The following CPLANE1 variants were observed in gnomAD, a reference collection of about 807,000 sequenced individuals.
CPLANE1 encodes the protein ciliogenesis and planar polarity effector 1.
Under a neutral mutation model 362.5 loss-of-function variants are expected in CPLANE1, and 263 were observed. The ratio of observed to expected loss-of-function variants is 0.73; its 90% confidence interval spans 0.66 to 0.80. The LOEUF is 0.80. CPLANE1 is among the 30% of genes least tolerant of loss of function. The pLI, the probability that CPLANE1 is intolerant of heterozygous loss-of-function variation, is 0.00. For synonymous variants in CPLANE1, 1,212 were observed against 1,302.6 expected (o/e 0.93, Z 1.50); for missense variants, 3,461 against 3,793.4 (o/e 0.91, Z 2.30).
At chr5:37,187,084 A>C (rs1052694517) in intron 23 of CPLANE1, among the ~76,000 whole-genome samples, 1 of 145,958 alleles carries the variant, frequency 6.9e-6, no homozygotes, top group Non-Finnish European at 1.5e-5. Flanking sequence ...AAAAAAAAAA[A>C]AAACTATAGT....
At chr5:37,143,205 TC>T (rs1176150592) in intron 43 of CPLANE1, among the ~76,000 whole-genome samples, 8 of 152,184 alleles carry the variant, frequency 5.3e-5, no homozygotes, top group Non-Finnish European at 1.2e-4. Context: ...GCAAAACTAC[TC>T]CAAAGACAAA....
chr5:37,182,782 T>A lies in CPLANE1; in HGVS notation c.5399A>T (p.Lys1800Met). ...LLEQPYFATY[K>M]AKNAIIKMVE... ...TACCTTAATAATGGCATTTTTTGCCTTATATGTAGCAAAATAGGGTTGTTC... is the reference window on the plus strand; with the variant it reads ...TACCTTAATAATGGCATTTTTTGCCATATATGTAGCAAAATAGGGTTGTTC... The change falls in exon 26 of 53, where the codon AAG becomes ATG. Residue 1800 changes from lysine (K) to methionine (M), a missense_variant. By Grantham distance (95) the Lys-to-Met change is moderately conservative (BLOSUM62 -1). Transcript: ENST00000651892. 6.2e-7 allele frequency: 1 copy of A among 1,611,354 alleles called. No homozygotes were observed. Among genetic ancestry groups the A allele is most frequent in the Non-Finnish European group, 8.5e-7 (1 of 1,178,892 alleles).
At chr5:37,182,048 C>T (rs189493281) in intron 26 of CPLANE1, among the ~76,000 whole-genome samples, 2 of 149,666 alleles carry the variant, frequency 1.3e-5, no homozygotes, top group African/African-American at 2.5e-5. Flanking sequence ...GTTGAGATCA[C>T]GCCACTGCAC....
At chr5:37,235,852 G>A (rs1352745461) in intron 8 of CPLANE1, among the ~76,000 whole-genome samples, 1 of 146,872 alleles carries the variant, frequency 6.8e-6, no homozygotes, top group African/African-American at 2.5e-5. Flanking sequence ...TTACAGGCAT[G>A]AGCCACTGTG....
At position 37,177,605 on chromosome 5, in the gene CPLANE1, C is replaced by CT. The variant is rs754052227; in HGVS notation, c.5900+15dup. 1.3e-6 allele frequency: 2 copies of CT among 1,599,620 alleles called. No homozygotes were observed. The highest frequency in any genetic ancestry group is 2.2e-5 in the South Asian group (2 of 90,192). On this transcript the variant is annotated intron_variant, in intron 30 of 52. Coordinates refer to ENST00000651892, the MANE Select transcript of CPLANE1 (RefSeq NM_001384732.1). The stretch of plus-strand genomic sequence containing the variant: ...GTAACCAGTGACAATCACTGTCATA[C>CT]TTTTTTCCCCCTTACCCTTTTTGTT...
At chr5:37,159,266 C>T (rs538877997) in intron 38 of CPLANE1, among the ~76,000 whole-genome samples, 3,142 of 149,644 alleles carry the variant, frequency 0.021, 105 homozygotes, top group African/African-American at 0.074. Flanking sequence ...CGCCCGCCAC[C>T]GCGCCCGGCT....
chr5:37,111,627 A>C (rs1391476453), intron 51 of CPLANE1, among the ~76,000 whole-genome samples: 1 of 152,214 alleles, frequency 6.6e-6, no homozygotes, highest in East Asian at 1.9e-4. Context: ...ACTAGCCCCA[A>C]GAGTCTGAAA....
At chr5:37,186,851 A>T (rs931964105) in intron 23 of CPLANE1, among the ~76,000 whole-genome samples, 2 of 152,064 alleles carry the variant, frequency 1.3e-5, no homozygotes, top group Non-Finnish European at 2.9e-5. Flanking sequence ...CGAGGTCAGG[A>T]GATCAAGACC....
intron 12 of CPLANE1, among the ~76,000 whole-genome samples, chr5:37,225,579 T>C (rs937519488): frequency 1.3e-5 from 2 of 151,972 alleles, no homozygotes; most frequent in Admixed American, 1.3e-4. Flanking sequence ...TGGCCGGGCG[T>C]GGTGGCTCAC....
intron 8 of CPLANE1, 47 bp downstream of exon 8, chr5:37,238,810 C>T: frequency 8.8e-7 from 1 of 1,142,774 alleles, no homozygotes; most frequent in Non-Finnish European, 1.2e-6. Flanking sequence ...AGACCCATCT[C>T]TTTTAAAAGA....
Position 37,168,670 on chromosome 5 carries a change from C to T in CPLANE1, c.7233+121G>A, listed in dbSNP as rs140781240. On this transcript the variant is annotated intron_variant, in intron 34 of 52. Coordinates refer to ENST00000651892, the MANE Select transcript of CPLANE1 (RefSeq NM_001384732.1). ...TTATTTTAAACCTAATTTTTATATG[C>T]TATTTTCTATAACAAGCATTTTTTT... 3.1e-4 allele frequency: 251 copies of T among 820,872 alleles called. No individual in the cohort carries two copies. In the African/African-American group the frequency reaches 4.0e-3, roughly 13 times the overall value. The allele number at this position is 820,872 out of a possible 1,614,324, so 50.8% of individuals were successfully genotyped here. A position where few individuals can be genotyped will look rare whatever the true frequency, so the allele number is the denominator to read the frequency against.
At chr5:37,154,122 T>C (rs539904315) in intron 41 of CPLANE1, 129 bp from the exon 42 acceptor site, 1 of 727,578 alleles carries the variant, frequency 1.4e-6, no homozygotes, top group East Asian at 2.9e-5. Context: ...TTTAATTAAA[T>C]ATACCTAAAA....
chr5:37,186,064 A>C (rs1561535320), intron 24 of CPLANE1, among the ~76,000 whole-genome samples: 1 of 152,226 alleles, frequency 6.6e-6, no homozygotes, highest in African/African-American at 2.4e-5. Context: ...TCGCACAGTT[A>C]CTGACTGACA....
intron 2 of CPLANE1, chr5:37,246,152 C>CTT (rs11299594): frequency 2.3e-5 from 3 of 130,090 alleles, no homozygotes; most frequent in South Asian, 2.5e-4. Context: ...ACTTTTTAAT[C>CTT]TTTTTTTTTT....
At chr5:37,147,859 T>C (rs1459476454) in intron 43 of CPLANE1, among the ~76,000 whole-genome samples, 1 of 150,778 alleles carries the variant, frequency 6.6e-6, no homozygotes, top group Non-Finnish European at 1.5e-5. Context: ...AGCACAAAGC[T>C]CTGTGCAATC....
chr5:37,097,921 C>T, the CPLANE1 span, among the ~76,000 whole-genome samples: 1 of 152,090 alleles, frequency 6.6e-6, no homozygotes, highest in East Asian at 1.9e-4. Context: ...CAAACAACAA[C>T]AGTAAAAAGA....
intron 20 of CPLANE1, among the ~76,000 whole-genome samples, chr5:37,196,441 CTAA>C (rs1787468436): frequency 6.6e-6 from 1 of 152,086 alleles, no homozygotes; most frequent in African/African-American, 2.4e-5. Context: ...TTGGCAGCCC[CTAA>C]TAATGACTCT....
intron 25 of CPLANE1, 48 bp from the exon 26 acceptor site, chr5:37,183,747 C>T: frequency 7.8e-7 from 1 of 1,276,010 alleles, no homozygotes; most frequent in Non-Finnish European, 1.1e-6. Context: ...CATTTAATCA[C>T]TAAAACTGAT....
At chr5:37,141,820 C>T (rs1458008787) in intron 44 of CPLANE1, 2 of 971,192 alleles carry the variant, frequency 2.1e-6, no homozygotes, top group East Asian at 1.1e-4. Context: ...CAAAAAGTGG[C>T]ACTAAATCCT....
Sources: gnomAD v4.1 joint callset for allele counts (sites outside exome capture counted in the v4.1 genomes callset) on GRCh38, gnomAD v4.1.1 for gene constraint, MANE v1.5 for transcripts, NCBI Gene and HGNC (gene_info 2026-07-23, HGNC 2026-07-21) for gene names.